FEZ1: variants seen among roughly 807,000 people sequenced by gnomAD.
The protein encoded by FEZ1 is fasciculation and elongation protein zeta-1.
In FEZ1, 20 loss-of-function variants were observed where a neutral mutation model predicts 49.3. The observed-to-expected ratio is 0.41, with a 90% CI of 0.29 to 0.59. The LOEUF is 0.59. FEZ1 is among the 20% of genes least tolerant of loss of function. The pLI is 0.36. For synonymous variants in FEZ1, 170 were observed against 180.9 expected, an observed-to-expected ratio of 0.94 and a Z score of 0.48; for missense variants, 413 against 476.0, an observed-to-expected ratio of 0.87 and a Z score of 1.23.
intron 5 of FEZ1, among the ~76,000 whole-genome samples, chr11:125,457,425 A>ATAT (rs1313675429): frequency 1.0e-3 from 33 of 32,886 alleles, no homozygotes; most frequent in African/African-American, 3.6e-3. Context: ...AAAAAAAAAA[A>ATAT]AAAAATATAT....
At chr11:125,447,999 G>A (rs76937140) in intron 9 of FEZ1, among the ~76,000 whole-genome samples, 2,493 of 152,246 alleles carry the variant, frequency 0.016, 38 homozygotes, top group African/African-American at 0.031. Context: ...GGGTAGAGGC[G>A]TAAATGAAAT....
At chr11:125,488,387 T>TC (rs553353079) in intron 2 of FEZ1, among the ~76,000 whole-genome samples, 4 of 151,968 alleles carry the variant, frequency 2.6e-5, no homozygotes, top group African/African-American at 9.7e-5. Flanking sequence ...TTAAAACATA[T>TC]CCCCCACCAT....
rs1200569253 is a variant in FEZ1 at position 125,460,656 on chromosome 11, T to G, written c.509A>C (p.Glu170Ala). The G allele has an allele frequency of 6.2e-7, 1 of 1,613,724 alleles. No individual in the cohort carries two copies. The highest frequency in any genetic ancestry group is 8.5e-7 in the Non-Finnish European group (1 of 1,179,946). ...PLLTADQVIE[E>A]IEEMMQNSPD... The stretch of plus-strand genomic sequence containing the variant: ...GGAGTTCTGCATCATTTCCTCAATC[T>G]CCTCAATTACCTGAAGAAGGTACAC... Residue 170 changes from glutamate to alanine, a missense_variant, in exon 5 of 10, where the codon GAG becomes GCG. Physicochemically the swap from Glu to Ala is moderately radical, Grantham distance 107 (BLOSUM62 -1). Coordinates refer to ENST00000278919, the MANE Select transcript of FEZ1 (RefSeq NM_005103.5).
In FEZ1 at chr11:125,495,270, C is replaced by A. The variant is rs1304759847; in HGVS notation, c.-46+851G>T. 3 of 423,050 alleles carry A rather than the reference C, an allele frequency of 7.1e-6. No homozygotes were observed. Among genetic ancestry groups the A allele is most frequent in the Non-Finnish European group, 1.5e-5 (3 of 200,664 alleles). 26.2% of individuals were successfully genotyped at this position (423,050 alleles called of 1,614,324 possible). The stretch of plus-strand genomic sequence containing the variant: ...ACTCATCCCGTGCAGGCCGCATACA[C>A]ACTCCACTGCCCTTCCGGCCAAACA... On this transcript the variant is annotated intron_variant, in intron 1 of 9. Transcript: ENST00000278919. The surrounding 1 kb of genome is among the most constrained non-coding windows in gnomAD (Gnocchi z 4.2).
chr11:125,494,104 C>T (rs1267722455), intron 1 of FEZ1, among the ~76,000 whole-genome samples: 1 of 152,208 alleles, frequency 6.6e-6, no homozygotes, highest in East Asian at 1.9e-4. Flanking sequence ...TTTGTCAACT[C>T]ATTATCCAAG....
Position 125,489,346 on chromosome 11 carries a change from G to A in FEZ1, c.311+121C>T. The A allele has an allele frequency of 6.8e-7, 1 of 1,477,878 alleles. No individual in the cohort carries two copies. Among genetic ancestry groups the A allele is most frequent in the Non-Finnish European group, 9.0e-7 (1 of 1,116,672 alleles). 91.5% of individuals were successfully genotyped at this position (1,477,878 alleles called of 1,614,324 possible). ...GCAAGTACCAGGGCACTGCTCCGCT[G>A]GCAACACGAAAATGAAAGTAATAGC... On this transcript the variant is annotated intron_variant, in intron 2 of 9. Coordinates refer to ENST00000278919, the MANE Select transcript of FEZ1 (RefSeq NM_005103.5). This position sits in a 1 kb window ranked among gnomAD's most constrained non-coding sequence, Gnocchi z 4.2.
chr11:125,488,070 C>A (rs1429998579), intron 2 of FEZ1, among the ~76,000 whole-genome samples: 1 of 152,196 alleles, frequency 6.6e-6, no homozygotes, highest in Non-Finnish European at 1.5e-5. Context: ...ACAATGGATG[C>A]ATATTGTATC....
intron 8 of FEZ1, chr11:125,451,270 T>C (rs1956952215): frequency 6.6e-6 from 1 of 152,232 alleles, no homozygotes; most frequent in South Asian, 2.1e-4. Flanking sequence ...TAAGGACAAG[T>C]CACTGTACTT....
intron 4 of FEZ1, among the ~76,000 whole-genome samples, chr11:125,461,903 G>A (rs1957078771): frequency 6.6e-6 from 1 of 152,128 alleles, no homozygotes; most frequent in African/African-American, 2.4e-5. Context: ...CCCAGTCTTT[G>A]ACTACTGAAA....
At chr11:125,454,351 C>T in intron 6 of FEZ1, 141 bp from the exon 7 acceptor site, 1 of 536,940 alleles carries the variant, frequency 1.9e-6, no homozygotes, top group Non-Finnish European at 3.3e-6. Context: ...CACTGGCTTA[C>T]AGAGACAGGC....
chr11:125,487,520 C>A (rs1265209468), intron 2 of FEZ1, among the ~76,000 whole-genome samples: 1 of 152,160 alleles, frequency 6.6e-6, no homozygotes, highest in African/African-American at 2.4e-5. Flanking sequence ...CAGAGCCATT[C>A]TTTTTTGACT....
intron 8 of FEZ1, among the ~76,000 whole-genome samples, chr11:125,450,947 T>G (rs1956949159): frequency 1.3e-5 from 2 of 152,170 alleles, no homozygotes; most frequent in Admixed American, 1.3e-4. Flanking sequence ...CTAGCTATAA[T>G]TTTTTTAATG....
Position 125,489,368 on chromosome 11 carries a change from T to C in FEZ1, c.311+99A>G, listed in dbSNP as rs1957358841. 4 of 1,500,500 alleles carry C rather than the reference T, an allele frequency of 2.7e-6. No homozygotes were observed. Among genetic ancestry groups the C allele is most frequent in the Non-Finnish European group, 3.5e-6 (4 of 1,127,334 alleles). The allele number at this position is 1,500,500 out of a possible 1,614,324, so 92.9% of individuals were successfully genotyped here. ...GCTGGCAACACGAAAATGAAAGTAA[T>C]AGCCCATAAACCTATAGACAGAAAC... On this transcript the variant is annotated intron_variant, in intron 2 of 9. Coordinates refer to ENST00000278919, the MANE Select transcript of FEZ1 (RefSeq NM_005103.5). The surrounding 1 kb of genome is among the most constrained non-coding windows in gnomAD (Gnocchi z 4.2).
At chr11:125,479,727 G>A (rs886401686) in intron 3 of FEZ1, among the ~76,000 whole-genome samples, 11 of 152,192 alleles carry the variant, frequency 7.2e-5, no homozygotes, top group African/African-American at 2.7e-4. Flanking sequence ...GGTGCCGTCT[G>A]TGAACCAGAA....
rs144642086 is a variant in FEZ1 at position 125,463,993 on chromosome 11, G to A, written c.412-423C>T. The stretch of plus-strand genomic sequence containing the variant: ...ACCTGGGGGGTTGTTTCCAGATTTC[G>A]TCTTACTAGGCATTTTAAGGAATAG... On this transcript the variant is annotated intron_variant, in intron 3 of 9. Coordinates refer to ENST00000278919, the MANE Select transcript of FEZ1 (RefSeq NM_005103.5). 4.2e-3 allele frequency among the ~76,000 whole-genome samples: 641 copies of A among 152,200 alleles called. 2 individuals carry two copies. The highest frequency in any genetic ancestry group is 0.016 in the South Asian group (78 of 4,816).
chr11:125,460,231 T>C (rs1957060923), intron 5 of FEZ1: 1 of 346,164 alleles, frequency 2.9e-6, no homozygotes, highest in South Asian at 1.1e-4. Flanking sequence ...TATATAGTAG[T>C]TCAGATTTCT....
intron 3 of FEZ1, among the ~76,000 whole-genome samples, chr11:125,469,733 C>CT (rs35644062): frequency 0.37 from 52,272 of 140,154 alleles, 9,615 homozygotes; most frequent in African/African-American, 0.42. Context: ...CCAGCTAATG[C>CT]TTTTTTTTTT....
In FEZ1 at chr11:125,495,520, G is replaced by C; in HGVS notation, c.-46+601C>G. On this transcript the variant is annotated intron_variant, in intron 1 of 9. Transcript: ENST00000278919. The surrounding 1 kb of genome is among the most constrained non-coding windows in gnomAD (Gnocchi z 4.2). ...TCTGTAGTAAAACAATCGCTCTCCCGGCGTCTGCGGCCGCTGCCAGCGGTT... is the reference window on the plus strand; with the variant it reads ...TCTGTAGTAAAACAATCGCTCTCCCCGCGTCTGCGGCCGCTGCCAGCGGTT... The C allele has an allele frequency of 2.1e-6, 1 of 471,086 alleles. No homozygotes were observed. Among genetic ancestry groups the C allele is most frequent in the South Asian group, 1.5e-5 (1 of 64,568 alleles). The allele number at this position is 471,086 out of a possible 1,614,324, so 29.2% of individuals were successfully genotyped here. A position where few individuals can be genotyped will look rare whatever the true frequency, so the allele number is the denominator to read the frequency against.
At chr11:125,464,431 AAGG>A (rs199833958) in intron 3 of FEZ1, among the ~76,000 whole-genome samples, 1,635 of 152,334 alleles carry the variant, frequency 0.011, 79 homozygotes, top group Admixed American at 0.084. Flanking sequence ...AACGTCATAC[AAGG>A]AGGAGGCAGG....
Sources: gnomAD v4.1 joint callset for allele counts (sites outside exome capture counted in the v4.1 genomes callset) on GRCh38, gnomAD v4.1.1 for gene constraint, Gnocchi (gnomAD v3.1) non-coding constraint, MANE v1.5 for transcripts, NCBI Gene and HGNC (gene_info 2026-07-23, HGNC 2026-07-21) for gene names.